SLC38A1: variants seen among roughly 807,000 people sequenced by gnomAD.
SLC38A1 encodes solute carrier family 38 member 1, also known as sodium-coupled neutral amino acid symporter 1.
Under a neutral mutation model 60.3 loss-of-function variants are expected in SLC38A1, and 18 were observed. The observed-to-expected ratio is 0.30, with a 90% CI of 0.21 to 0.44. The LOEUF (loss-of-function observed/expected upper bound fraction) is 0.44, where lower values mean the gene tolerates loss of function less well. SLC38A1 is among the 20% of genes least tolerant of loss of function. SLC38A1 has a pLI of 1.00. For missense variants in SLC38A1, 448 were observed against 587.2 expected (o/e 0.76, Z 2.45); for synonymous variants, 196 against 212.1 (o/e 0.92, Z 0.66).
chr12:46,222,206 G>T (rs749116457), intron 5 of SLC38A1, among the ~76,000 whole-genome samples: 1 of 151,988 alleles, frequency 6.6e-6, no homozygotes, highest in Non-Finnish European at 1.5e-5. Context: ...TACTGCACTG[G>T]TGTTAAGTTC....
At chr12:46,238,556 A>C (rs2138228137) in intron 3 of SLC38A1, among the ~76,000 whole-genome samples, 1 of 152,130 alleles carries the variant, frequency 6.6e-6, no homozygotes, top group East Asian at 1.9e-4. Flanking sequence ...TGCATATGTC[A>C]CTCTCTTCTC....
chr12:46,224,689 T>A (rs537011528), intron 5 of SLC38A1, among the ~76,000 whole-genome samples: 4 of 152,252 alleles, frequency 2.6e-5, no homozygotes, highest in African/African-American at 9.6e-5. Context: ...GAGCAGCTGG[T>A]TTTACAAGAG....
intron 16 of SLC38A1, among the ~76,000 whole-genome samples, chr12:46,196,777 C>G (rs1939398214): frequency 6.6e-6 from 1 of 152,122 alleles, no homozygotes; most frequent in South Asian, 2.1e-4. Context: ...CAAAATGGAG[C>G]TCCAGAAGGG....
At chr12:46,198,775 A>G (rs774225545) in intron 13 of SLC38A1, 32 bp from the exon 14 acceptor site, 82 of 1,365,296 alleles carry the variant, frequency 6.0e-5, no homozygotes, top group Non-Finnish European at 8.2e-5. Context: ...AGGGTTTTAA[A>G]AGGAGACAAA....
chr12:46,249,369 C>T (rs2138616443), intron 1 of SLC38A1, among the ~76,000 whole-genome samples: 1 of 152,024 alleles, frequency 6.6e-6, no homozygotes, highest in East Asian at 1.9e-4. Context: ...ACTAAATGCC[C>T]ACAAGAGAAA....
intron 13 of SLC38A1, 30 bp downstream of exon 13, chr12:46,201,068 T>C (rs1164123530): frequency 1.4e-6 from 2 of 1,418,898 alleles, no homozygotes; most frequent in East Asian, 2.3e-5. Context: ...TACAAATATT[T>C]ATATTTATGT....
chr12:46,244,358 G>A (rs1941545112), intron 1 of SLC38A1, among the ~76,000 whole-genome samples: 1 of 152,134 alleles, frequency 6.6e-6, no homozygotes. Context: ...ACTTTGTGGT[G>A]GATTGGTCCA....
chr12:46,189,463 G>C (rs1208883154), intron 16 of SLC38A1, among the ~76,000 whole-genome samples: 3 of 152,074 alleles, frequency 2.0e-5, no homozygotes, highest in Non-Finnish European at 4.4e-5. Context: ...TACCAACTTA[G>C]CTTATCACTG....
chr12:46,198,506 G>T, intron 14 of SLC38A1, 119 bp downstream of exon 14: 1 of 634,206 alleles, frequency 1.6e-6, no homozygotes. Context: ...TTTCCCAGAT[G>T]CAGATTCAAT....
At chr12:46,218,593 T>G (rs986684247) in intron 5 of SLC38A1, among the ~76,000 whole-genome samples, 2 of 152,150 alleles carry the variant, frequency 1.3e-5, no homozygotes, top group Admixed American at 6.5e-5. Flanking sequence ...ATTTTAGTTT[T>G]GTAGTCGCCC....
At chr12:46,242,072 C>T (rs959434678) in intron 2 of SLC38A1, among the ~76,000 whole-genome samples, 6 of 152,122 alleles carry the variant, frequency 3.9e-5, no homozygotes, top group South Asian at 2.1e-4. Context: ...ATATCACACA[C>T]GCGTGCACGT....
At chr12:46,220,539 T>G (rs777188991) in intron 5 of SLC38A1, among the ~76,000 whole-genome samples, 3 of 152,206 alleles carry the variant, frequency 2.0e-5, no homozygotes, top group Non-Finnish European at 2.9e-5. Flanking sequence ...CAAGATCCAG[T>G]TTGGTATTTC....
At chr12:46,256,082 C>T (rs963268095) in intron 1 of SLC38A1, among the ~76,000 whole-genome samples, 16 of 148,922 alleles carry the variant, frequency 1.1e-4, no homozygotes, top group Non-Finnish European at 1.5e-4. Context: ...AGGAGAATGG[C>T]GTGAACCTAG....
chr12:46,196,586 CA>C (rs1410672535), intron 16 of SLC38A1, among the ~76,000 whole-genome samples: 1 of 152,158 alleles, frequency 6.6e-6, no homozygotes, highest in Non-Finnish European at 1.5e-5. Context: ...ATTAAGGCTT[CA>C]GGGGTGATCA....
intron 1 of SLC38A1, among the ~76,000 whole-genome samples, chr12:46,259,755 T>A (rs1942142396): frequency 6.6e-6 from 1 of 152,186 alleles, no homozygotes; most frequent in Non-Finnish European, 1.5e-5. Flanking sequence ...TCCTGGCTCT[T>A]CTGCTAGGAC....
At chr12:46,197,271 T>G (rs1259929375) in intron 16 of SLC38A1, 1 of 156,296 alleles carries the variant, frequency 6.4e-6, no homozygotes, top group African/African-American at 2.4e-5. Context: ...AGACGGATCA[T>G]GAGGTCAGGA....
chr12:46,248,068 C>A (rs1422528696), intron 1 of SLC38A1, among the ~76,000 whole-genome samples: 2 of 152,170 alleles, frequency 1.3e-5, no homozygotes, highest in Non-Finnish European at 2.9e-5. Context: ...CCAGTACCAG[C>A]CACTGCAAAA....
At chr12:46,239,647 C>G in intron 3 of SLC38A1, 32 bp downstream of exon 3, 1 of 1,611,072 alleles carries the variant, frequency 6.2e-7, no homozygotes, top group Non-Finnish European at 8.5e-7. Flanking sequence ...ATTTCTTTCA[C>G]TGGATAGAAA....
chr12:46,238,938 C>T (rs557617965), intron 3 of SLC38A1, among the ~76,000 whole-genome samples: 78 of 152,294 alleles, frequency 5.1e-4, no homozygotes, highest in African/African-American at 1.8e-3. Flanking sequence ...ACAAATGATG[C>T]TTATAAGGAT....
Sources: allele counts gnomAD v4.1 joint callset (sites outside exome capture counted in the v4.1 genomes callset), GRCh38; gene constraint gnomAD v4.1.1; transcripts MANE v1.5; gene names NCBI Gene and HGNC (gene_info 2026-07-23, HGNC 2026-07-21).